The following CSGALNACT1 variants were observed in gnomAD, a reference collection of about 807,000 sequenced individuals.
The protein encoded by CSGALNACT1 is beta4GalNAcT-1.
In CSGALNACT1, 52 loss-of-function variants were observed where a neutral mutation model predicts 51.0. The ratio of observed to expected loss-of-function variants is 1.02; its 90% CI spans 0.82 to 1.29. The LOEUF (loss-of-function observed/expected upper bound fraction) is 1.29. Ranked by LOEUF, CSGALNACT1 falls within the 50% of genes most tolerant of loss-of-function variation. The pLI is 0.00. For synonymous variants in CSGALNACT1, 341 were observed against 254.4 expected (o/e 1.34, Z -3.24); for missense variants, 935 against 679.2 (o/e 1.38, Z -4.19).
At chr8:19,752,264 T>C (rs182178349) in intron 1 of CSGALNACT1, among the ~76,000 whole-genome samples, 4 of 149,086 alleles carry the variant, frequency 2.7e-5, no homozygotes, top group African/African-American at 9.8e-5. Context: ...CTCCAGACAC[T>C]GTTCTAACCA....
chr8:19,417,602 A>G (rs1368087801), intron 8 of CSGALNACT1, among the ~76,000 whole-genome samples: 3 of 152,224 alleles, frequency 2.0e-5, no homozygotes, highest in African/African-American at 7.2e-5. Context: ...AGGTTCCCAC[A>G]GCAGATGTCC....
chr8:19,692,742 T>A (rs1021062863), intron 1 of CSGALNACT1, among the ~76,000 whole-genome samples: 3 of 152,184 alleles, frequency 2.0e-5, no homozygotes, highest in African/African-American at 7.2e-5. Context: ...GAGGGTTTGG[T>A]GGAGCTCTGG....
At chr8:19,651,316 T>C (rs1480453687) in intron 1 of CSGALNACT1, among the ~76,000 whole-genome samples, 1 of 152,198 alleles carries the variant, frequency 6.6e-6, no homozygotes, top group East Asian at 1.9e-4. Context: ...GTCTCTTACA[T>C]GGGTAAACAG....
intron 1 of CSGALNACT1, among the ~76,000 whole-genome samples, chr8:19,630,143 T>G (rs2055019860): frequency 6.6e-6 from 1 of 151,550 alleles, no homozygotes; most frequent in African/African-American, 2.4e-5. Context: ...CAGTTGTGGG[T>G]AGCCACAGTT....
In CSGALNACT1 at chr8:19,646,466, A is replaced by C. The variant is rs77717405; in HGVS notation, c.-544+36007T>G. ...ATCATTTGCAACATGAAAACGGATC[A>C]TAATTACATTAAGGGTAGTGGAACT... On this transcript the variant is annotated intron_variant, in intron 1 of 9. Transcript: ENST00000332246. 3.2e-4 allele frequency among the ~76,000 whole-genome samples: 48 copies of C among 152,368 alleles called. No individual in the cohort carries two copies. In the East Asian group the frequency reaches 9.0e-3, roughly 29 times the overall value.
upstream of CSGALNACT1, among the ~76,000 whole-genome samples, chr8:19,687,141 G>C (rs1285380339): frequency 1.3e-5 from 2 of 152,030 alleles, no homozygotes; most frequent in Non-Finnish European, 2.9e-5. Context: ...GTATGAGAGT[G>C]TATTTGTGAC....
chr8:19,565,910 C>CAAACA (rs2041821628), intron 3 of CSGALNACT1, among the ~76,000 whole-genome samples: 1 of 152,160 alleles, frequency 6.6e-6, no homozygotes, highest in African/African-American at 2.4e-5. Flanking sequence ...GGCTCCATCT[C>CAAACA]AAACAAAAAC....
intron 4 of CSGALNACT1, among the ~76,000 whole-genome samples, chr8:19,481,815 G>A (rs1190634690): frequency 2.0e-5 from 3 of 152,106 alleles, no homozygotes; most frequent in African/African-American, 4.8e-5. Context: ...CAACAAACAT[G>A]TATCAAACCC....
intron 1 of CSGALNACT1, among the ~76,000 whole-genome samples, chr8:19,701,191 T>C (rs922507896): frequency 2.3e-5 from 3 of 131,200 alleles, no homozygotes; most frequent in Non-Finnish European, 4.7e-5. Flanking sequence ...AGTCTCACTC[T>C]GTTGCCCAGG....
At chr8:19,573,812 C>T (rs2043555755) in intron 3 of CSGALNACT1, among the ~76,000 whole-genome samples, 1 of 152,190 alleles carries the variant, frequency 6.6e-6, no homozygotes, top group African/African-American at 2.4e-5. Context: ...CTCTTTACAA[C>T]TGCTAGCTCC....
At chr8:19,618,804 G>A (rs936746620) in intron 1 of CSGALNACT1, among the ~76,000 whole-genome samples, 1 of 152,088 alleles carries the variant, frequency 6.6e-6, no homozygotes, top group Non-Finnish European at 1.5e-5. Context: ...AGGCACAGCT[G>A]CATCTCTAAG....
At chr8:19,686,379 A>G (rs1159831424), upstream of CSGALNACT1, among the ~76,000 whole-genome samples, 3 of 152,216 alleles carry the variant, frequency 2.0e-5, no homozygotes, top group Non-Finnish European at 4.4e-5. Context: ...GGGGGCTCAA[A>G]GAAGCCCACC....
intron 4 of CSGALNACT1, among the ~76,000 whole-genome samples, chr8:19,461,145 G>A (rs2065266158): frequency 6.6e-6 from 1 of 152,196 alleles, no homozygotes; most frequent in Non-Finnish European, 1.5e-5. Flanking sequence ...GTTTTGCTGA[G>A]CTCATGTTGG....
rs116865672 is a variant in CSGALNACT1, at chr8:19,494,138, G to A, written c.634+11063C>T. ...AATCTTGGCCCTGCTTAATTCTTCA[G>A]GTTTATCACCTTGCCATGCCCTCTT... On this transcript the variant is annotated intron_variant, in intron 4 of 9. Transcript: ENST00000454498. 2.7e-3 allele frequency among the ~76,000 whole-genome samples: 405 copies of A among 152,190 alleles called. 4 individuals are homozygous for A. Among genetic ancestry groups the A allele is most frequent in the East Asian group, 0.019 (98 of 5,178 alleles).
intron 4 of CSGALNACT1, among the ~76,000 whole-genome samples, chr8:19,496,498 T>A (rs541895609): frequency 6.6e-6 from 1 of 152,070 alleles, no homozygotes; most frequent in Non-Finnish European, 1.5e-5. Context: ...AACTAATCAA[T>A]AGGTTTTAAA....
At chr8:19,586,324 A>G (rs1348252517) in intron 3 of CSGALNACT1, among the ~76,000 whole-genome samples, 1 of 151,512 alleles carries the variant, frequency 6.6e-6, no homozygotes. Flanking sequence ...ATGCCACTGC[A>G]CTCCAGCCTG....
upstream of CSGALNACT1, among the ~76,000 whole-genome samples, chr8:19,687,206 C>G (rs926030509): frequency 1.9e-4 from 29 of 152,262 alleles, no homozygotes; most frequent in African/African-American, 6.5e-4. Flanking sequence ...CACCAATGAG[C>G]TTTTTCTCTA....
intron 1 of CSGALNACT1, among the ~76,000 whole-genome samples, chr8:19,690,568 C>A (rs2061249160): frequency 6.6e-6 from 1 of 152,070 alleles, no homozygotes; most frequent in South Asian, 2.1e-4. Flanking sequence ...AGATTTTTTT[C>A]CTCTATAACC....
chr8:19,625,715 C>A (rs146081300), intron 1 of CSGALNACT1, among the ~76,000 whole-genome samples: 3 of 152,060 alleles, frequency 2.0e-5, no homozygotes, highest in South Asian at 2.1e-4. Context: ...AGAAAATGTA[C>A]GAAAAAGAAG....
Sources: allele counts gnomAD v4.1 joint callset (sites outside exome capture counted in the v4.1 genomes callset), GRCh38; gene constraint gnomAD v4.1.1; transcripts MANE v1.5; gene names NCBI Gene and HGNC (gene_info 2026-07-23, HGNC 2026-07-21).